The following PHLDB1 variants were observed in gnomAD, a reference collection of about 807,000 sequenced individuals.
The protein encoded by PHLDB1 is pleckstrin homology like domain family B member 1.
In PHLDB1, 65 loss-of-function variants were observed where a neutral mutation model predicts 139.3. That is an observed-to-expected ratio of 0.47 (90% CI 0.38 to 0.57). The LOEUF is 0.57. Ranked by LOEUF, PHLDB1 falls within the 20% of genes least tolerant of loss-of-function variation. The pLI is 0.00. For synonymous variants in PHLDB1, 679 were observed against 734.5 expected, an observed-to-expected ratio of 0.92 and a Z score of 1.22; for missense variants, 1,624 against 1,839.7, an observed-to-expected ratio of 0.88 and a Z score of 2.14.
intron 4 of PHLDB1, among the ~76,000 whole-genome samples, chr11:118,616,938 G>A (rs1266446661): frequency 6.6e-6 from 1 of 152,126 alleles, no homozygotes; most frequent in Non-Finnish European, 1.5e-5. Context: ...CTAGCTACTC[G>A]GGAAGCTGAG....
intron 13 of PHLDB1, 70 bp from the exon 14 acceptor site, chr11:118,643,728 CAG>C: frequency 6.2e-7 from 1 of 1,611,608 alleles, no homozygotes. Context: ...CAGATCACAG[CAG>C]ACTAGGTGAC....
In PHLDB1 at chr11:118,610,188, T is replaced by C. The variant is rs1317782837; in HGVS notation, c.-22+2489T>C. On this transcript the variant is annotated intron_variant, in intron 1 of 22. Coordinates refer to ENST00000600882, the MANE Select transcript of PHLDB1 (RefSeq NM_001144758.3). The surrounding 1 kb of genome is among the most constrained non-coding windows in gnomAD (Gnocchi z 8.7). ...TCTTCCCCTCCCCAGCTTGCATTTT[T>C]TCCCATCTCTTAGTCTGCCTTTCAT... Among the ~76,000 whole-genome samples, 2 of 151,878 alleles carry C rather than the reference T, an allele frequency of 1.3e-5. No homozygotes were observed. The highest frequency in any genetic ancestry group is 2.9e-5 in the Non-Finnish European group (2 of 67,960).
intron 10 of PHLDB1, among the ~76,000 whole-genome samples, chr11:118,635,848 A>G (rs1945552722): frequency 6.6e-6 from 1 of 152,136 alleles, no homozygotes; most frequent in African/African-American, 2.4e-5. Flanking sequence ...GGAAGGTGAA[A>G]GATGGAGGAG....
At position 118,650,011 on chromosome 11, in the gene PHLDB1, G is replaced by A. The variant is rs1218168792; in HGVS notation, c.3655-66G>A. 6 of 1,192,220 alleles carry A rather than the reference G, an allele frequency of 5.0e-6. No individual in the cohort carries two copies. Among genetic ancestry groups the A allele is most frequent in the Non-Finnish European group, 7.5e-6 (6 of 796,430 alleles). The allele number at this position is 1,192,220 out of a possible 1,614,324, so 73.9% of individuals were successfully genotyped here. On this transcript the variant is annotated intron_variant, in intron 18 of 22. Coordinates refer to ENST00000600882, the MANE Select transcript of PHLDB1 (RefSeq NM_001144758.3). The surrounding 1 kb of genome is among the most constrained non-coding windows in gnomAD (Gnocchi z 4.7). ...TGTTGGGGTTTAGAAGTGAAGCCAAGGGGCCTGGACAGGGGAATAATGAGG... is the reference window on the plus strand; with the variant it reads ...TGTTGGGGTTTAGAAGTGAAGCCAAAGGGCCTGGACAGGGGAATAATGAGG...
chr11:118,635,483 G>T lies in PHLDB1; in HGVS notation c.2470G>T (p.Glu824Ter). 6.2e-7 allele frequency: 1 copy of T among 1,611,334 alleles called. No individual in the cohort carries two copies. Among genetic ancestry groups the T allele is most frequent in the Non-Finnish European group, 8.5e-7 (1 of 1,179,022 alleles). Residue 824 changes from glutamate (E) to a stop codon, truncating the protein, a stop_gained, in exon 10 of 23, where the codon GAG (glutamate) becomes TAG (stop). Coordinates refer to ENST00000600882, the MANE Select transcript of PHLDB1 (RefSeq NM_001144758.3). LOFTEE classifies it high-confidence loss of function. The part of the protein sequence containing the change: ...ERESRVEEER[E>*]LAGQGLLRSK... The stretch of plus-strand genomic sequence containing the variant: ...GGAGAGCCGCGTGGAGGAGGAGCGC[G>T]AGCTGGCCGGCCAGGGGCTGCTCCG...
At position 118,628,398 on chromosome 11, in the gene PHLDB1, G is replaced by A. The variant is rs1555106264; in HGVS notation, c.1575G>A (p.Glu525=). 1 of 1,610,960 alleles carries A rather than the reference G, an allele frequency of 6.2e-7. No individual in the cohort carries two copies. The highest frequency in any genetic ancestry group is 1.3e-5 in the African/African-American group (1 of 74,964). The change falls in exon 6 of 23, where the codon GAG becomes GAA. Residue 525 remains glutamate, a synonymous_variant. Coordinates refer to ENST00000600882, the MANE Select transcript of PHLDB1 (RefSeq NM_001144758.3). ...GGAGCCCCTCACCCACACTGGGTGA[G>A]TCTCTGGCACCCCACAAGGGCAGCT... The part of the protein sequence containing the change: ...RTRSPSPTLG[E]SLAPHKGSFS...
chr11:118,644,649 G>A (rs567239716), intron 15 of PHLDB1: 35 of 1,289,290 alleles, frequency 2.7e-5, no homozygotes, highest in Non-Finnish European at 3.3e-5. Flanking sequence ...CACGCCAGTC[G>A]AGTCGCTTCC....
rs1233991671 is a variant in PHLDB1, at chr11:118,614,593, G to A, written c.95G>A (p.Gly32Glu). Residue 32 changes from glycine to glutamate, a missense_variant, in exon 3 of 23, where the codon GGG (glycine) becomes GAG (glutamate). Coordinates refer to ENST00000600882, the MANE Select transcript of PHLDB1 (RefSeq NM_001144758.3). ...GPLDLIETGKGLKVQTDKPHL... is the reference protein window; with the variant it reads ...GPLDLIETGKELKVQTDKPHL... ...TTGGACCTGATCGAGACAGGCAAAG[G>A]GCTGAAAGTGCAAACGGACAAACCC... 2 of 1,613,860 alleles carry A rather than the reference G, an allele frequency of 1.2e-6. No individual in the cohort carries two copies. The highest frequency in any genetic ancestry group is 1.7e-6 in the Non-Finnish European group (2 of 1,179,964).
At chr11:118,630,263 G>A (rs1381532127) in intron 6 of PHLDB1, among the ~76,000 whole-genome samples, 1 of 152,132 alleles carries the variant, frequency 6.6e-6, no homozygotes, top group Non-Finnish European at 1.5e-5. Flanking sequence ...ACAAAGACCA[G>A]GAATGTGATT....
intron 3 of PHLDB1, 148 bp from the exon 4 acceptor site, chr11:118,615,893 C>T (rs1941537953): frequency 4.6e-6 from 3 of 651,224 alleles, no homozygotes; most frequent in African/African-American, 1.8e-5. Flanking sequence ...AGACCAGGCT[C>T]AGGGGCCTAG....
At chr11:118,623,550 C>T (rs782030869) in intron 4 of PHLDB1, among the ~76,000 whole-genome samples, 5 of 152,346 alleles carry the variant, frequency 3.3e-5, no homozygotes, top group African/African-American at 4.8e-5. Context: ...GTGGCCTAGT[C>T]TTGGCCTGAT....
chr11:118,611,250 C>G lies in PHLDB1; in HGVS notation c.-21-2566C>G, dbSNP rs118147150. Among the ~76,000 whole-genome samples the G allele has an allele frequency of 1.1e-3, 171 of 152,350 alleles. 2 individuals are homozygous for G. The East Asian group carries it at 0.032, about 29-fold the overall frequency. ...GTGTCTCTTTCCACTTCTCTTGGAT[C>G]AGGTTACTGTGCTGGGGCCACAGCC... On this transcript the variant is annotated intron_variant, in intron 1 of 22. Transcript: ENST00000600882. The surrounding 1 kb of genome is among the most constrained non-coding windows in gnomAD (Gnocchi z 4.7).
rs1944149861 is a variant in PHLDB1 at position 118,627,913 on chromosome 11, A to T, written c.1090A>T (p.Ser364Cys). ...GQLPVVAISL[S>C]EYPASGALSQ... ...GCTGCCTGTGGTGGCCATCAGCCTGAGTGAATACCCAGCTTCTGGTGCTCT... is the reference window on the plus strand; with the variant it reads ...GCTGCCTGTGGTGGCCATCAGCCTGTGTGAATACCCAGCTTCTGGTGCTCT... The change falls in exon 6 of 23, where the codon AGT becomes TGT. Residue 364 changes from serine to cysteine, a missense_variant. Coordinates refer to ENST00000600882, the MANE Select transcript of PHLDB1 (RefSeq NM_001144758.3). The T allele has an allele frequency of 6.2e-7, 1 of 1,611,924 alleles. No homozygotes were observed. Among genetic ancestry groups the T allele is most frequent in the Admixed American group, 1.7e-5 (1 of 60,002 alleles).
intron 10 of PHLDB1, 65 bp from the exon 11 acceptor site, chr11:118,638,826 C>T (rs1946055160): frequency 1.6e-6 from 2 of 1,225,298 alleles, no homozygotes; most frequent in Non-Finnish European, 2.3e-6. Flanking sequence ...GGAGAGCCAG[C>T]TAGTTCTCAC....
In PHLDB1 at chr11:118,623,917, T is replaced by TGAGA. The variant is rs60228799; in HGVS notation, c.356-1016_356-1013dup. Among the ~76,000 whole-genome samples, 728 of 144,344 alleles carry TGAGA rather than the reference T, an allele frequency of 5.0e-3. 29 individuals are homozygous for TGAGA. The East Asian group carries it at 0.053, about 10-fold the overall frequency. The allele number at this position is 144,344 out of a possible 152,430, so 94.7% of individuals were successfully genotyped here. A position where few individuals can be genotyped will look rare whatever the true frequency, so the allele number is the denominator to read the frequency against. ...GTGTGTGTGTGTGTGTGTGTGTGTGTGAGACGGAGTTTCGCTCTGTTGCCC... is the reference window on the plus strand; with the variant it reads ...GTGTGTGTGTGTGTGTGTGTGTGTGTGAGAGAGACGGAGTTTCGCTCTGTTGCCC... On this transcript the variant is annotated intron_variant, in intron 4 of 22. Coordinates refer to ENST00000600882, the MANE Select transcript of PHLDB1 (RefSeq NM_001144758.3).
At chr11:118,652,554 C>G (rs1555138315) in intron 20 of PHLDB1, 3 of 152,214 alleles carry the variant, frequency 2.0e-5, no homozygotes, top group Non-Finnish European at 2.9e-5. Context: ...TGAAATAATC[C>G]TATGAGGGAA....
chr11:118,619,910 G>A (rs1942418374), intron 4 of PHLDB1, among the ~76,000 whole-genome samples: 1 of 152,182 alleles, frequency 6.6e-6, no homozygotes, highest in Non-Finnish European at 1.5e-5. Flanking sequence ...AGCTATGCCT[G>A]GGTGAGTGTG....
At position 118,650,531 on chromosome 11, in the gene PHLDB1, C is replaced by T. The variant is rs1555135612; in HGVS notation, c.3858C>T (p.Thr1286=). The T allele has an allele frequency of 1.9e-6, 3 of 1,613,162 alleles. No homozygotes were observed. Residue 1286 remains threonine, a synonymous_variant, in exon 20 of 23, where the codon ACC becomes ACT. Transcript: ENST00000600882. This position sits in a 1 kb window ranked among gnomAD's most constrained non-coding sequence, Gnocchi z 4.7. ...TTGTCTTCGACCGGCTCAAGCGCAC[C>T]CTTTCCTATTATGTGGGTGAGTTCC... ...RWFVFDRLKR[T]LSYYVDKHET... is the part of the protein sequence containing the mutation.
Position 118,613,852 on chromosome 11 carries a change from A to G in PHLDB1, c.16A>G (p.Arg6Gly), listed in dbSNP as rs782744576. Residue 6 changes from arginine (R) to glycine (G), a missense_variant, in exon 2 of 23, where the codon AGG (arginine) becomes GGG (glycine). Arg to Gly is a moderately radical substitution (Grantham distance 125). Transcript: ENST00000600882. MDALNRNQIGPGCQTQ... is the reference protein window; with the variant it reads MDALNGNQIGPGCQTQ... ...CCTTAGGACCATGGACGCTCTCAATAGGAACCAAATAGGCCCTGGATGCCA... is the reference window on the plus strand; with the variant it reads ...CCTTAGGACCATGGACGCTCTCAATGGGAACCAAATAGGCCCTGGATGCCA... 1 of 1,612,514 alleles carries G rather than the reference A, an allele frequency of 6.2e-7. No individual in the cohort carries two copies. The highest frequency in any genetic ancestry group is 1.1e-5 in the South Asian group (1 of 90,924).
Sources: gnomAD v4.1 joint callset for allele counts (sites outside exome capture counted in the v4.1 genomes callset) on GRCh38, gnomAD v4.1.1 for gene constraint, Gnocchi (gnomAD v3.1) non-coding constraint, MANE v1.5 for transcripts, NCBI Gene and HGNC (gene_info 2026-07-23, HGNC 2026-07-21) for gene names.